CNTN2: variants seen among roughly 807,000 people sequenced by gnomAD.
CNTN2 encodes contactin 2, also known as contactin-2.
A neutral mutation model predicts 117.5 loss-of-function variants in CNTN2; 53 were observed. The observed-to-expected ratio is 0.45, with a 90% CI of 0.36 to 0.57. The LOEUF is 0.57. Among genes scored for constraint, CNTN2 ranks in the 20% least tolerant of loss-of-function variants. The pLI is 0.00. For synonymous variants in CNTN2, 530 were observed against 561.7 expected (o/e 0.94, Z 0.80); for missense variants, 1,106 against 1,404.3 (o/e 0.79, Z 3.39).
Position 205,073,882 on chromosome 1 carries a change from C to G in CNTN2, c.*117C>G. The G allele has an allele frequency of 1.3e-6, 1 of 775,076 alleles. No homozygotes were observed. Among genetic ancestry groups the G allele is most frequent in the Non-Finnish European group, 2.2e-6 (1 of 460,926 alleles). The allele number at this position is 775,076 out of a possible 1,614,324, so 48.0% of individuals were successfully genotyped here. On this transcript the variant is annotated 3_prime_UTR_variant, in exon 23 of 23. Coordinates refer to ENST00000331830, the MANE Select transcript of CNTN2 (RefSeq NM_005076.5). The surrounding 1 kb of genome is among the most constrained non-coding windows in gnomAD (Gnocchi z 6.3). The stretch of plus-strand genomic sequence containing the variant: ...GCCAGAGAGTGGCTGGTTTTAAATA[C>G]CTACTTTAAACAGTGCCCTTTTTGT...
At position 205,059,832 on chromosome 1, in the gene CNTN2, C is replaced by A; in HGVS notation, c.797+150C>A. 1 of 642,250 alleles carries A rather than the reference C, an allele frequency of 1.6e-6. No individual in the cohort carries two copies. The highest frequency in any genetic ancestry group is 1.8e-5 in the South Asian group (1 of 54,908). The allele number at this position is 642,250 out of a possible 1,614,324, so 39.8% of individuals were successfully genotyped here. A position where few individuals can be genotyped will look rare whatever the true frequency, so the allele number is the denominator to read the frequency against. The stretch of plus-strand genomic sequence containing the variant: ...GGCACACAGTGGGTATCGACCACCA[C>A]TCACTGGACAGTACCTCTCTGGGTG... On this transcript the variant is annotated intron_variant, in intron 7 of 22. Transcript: ENST00000331830. This position sits in a 1 kb window ranked among gnomAD's most constrained non-coding sequence, Gnocchi z 5.6.
intron 19 of CNTN2, among the ~76,000 whole-genome samples, chr1:205,071,374 C>T (rs948972723): frequency 6.6e-6 from 1 of 152,202 alleles, no homozygotes; most frequent in African/African-American, 2.4e-5. Flanking sequence ...AACCATCAAG[C>T]TGGGCCTACT....
chr1:205,056,699 A>T (rs1653644576), intron 2 of CNTN2, among the ~76,000 whole-genome samples: 1 of 152,198 alleles, frequency 6.6e-6, no homozygotes, highest in South Asian at 2.1e-4. Flanking sequence ...AATTAGGGAT[A>T]GCCTGGCTCC....
Position 205,073,197 on chromosome 1 carries a change from G to A in CNTN2, c.2974G>A (p.Asp992Asn). Residue 992 changes from aspartate to asparagine, a missense_variant, in exon 22 of 23, where the codon GAT becomes AAT. Asp to Asn is a conservative substitution (Grantham distance 23). Coordinates refer to ENST00000331830, the MANE Select transcript of CNTN2 (RefSeq NM_005076.5). This position sits in a 1 kb window ranked among gnomAD's most constrained non-coding sequence, Gnocchi z 6.3. ...VQIRTTGPGGDGIPAEVHIVR... is the reference protein window; with the variant it reads ...VQIRTTGPGGNGIPAEVHIVR... ...AATTCGGACCACAGGGCCCGGAGGG[G>A]ATGGGATCCCTGCAGAAGTCCACAT... 1.9e-6 allele frequency: 3 copies of A among 1,614,106 alleles called. No homozygotes were observed. Among genetic ancestry groups the A allele is most frequent in the Non-Finnish European group, 2.5e-6 (3 of 1,180,022 alleles).
intron 10 of CNTN2, chr1:205,063,509 G>T (rs1040300826): frequency 6.6e-6 from 1 of 152,010 alleles, no homozygotes; most frequent in Non-Finnish European, 1.5e-5. Flanking sequence ...CACACGTGTA[G>T]TCCCAGCTAC....
rs890794171 is a variant in CNTN2 at position 205,074,507 on chromosome 1, G to A, written c.*742G>A. The A allele has an allele frequency of 3.8e-5, 15 of 398,238 alleles. No homozygotes were observed. The highest frequency in any genetic ancestry group is 1.1e-4 in the East Asian group (3 of 28,066). The allele number at this position is 398,238 out of a possible 1,614,324, so 24.7% of individuals were successfully genotyped here. Reference sequence around the variant, plus strand: ...CTGAGATAGTCACAACCCAGGTGACGATGCCCTCTCAGCCAACACTGCCAA... The same window carrying A: ...CTGAGATAGTCACAACCCAGGTGACAATGCCCTCTCAGCCAACACTGCCAA... On this transcript the variant is annotated 3_prime_UTR_variant, in exon 23 of 23. Transcript: ENST00000331830.
rs1330483843 is a variant in CNTN2 at position 205,059,055 on chromosome 1, CT to C, written c.488-28del. 1 of 1,610,086 alleles carries C rather than the reference CT, an allele frequency of 6.2e-7. No individual in the cohort carries two copies. On this transcript the variant is annotated intron_variant, in intron 5 of 22. Transcript: ENST00000331830. The surrounding 1 kb of genome is among the most constrained non-coding windows in gnomAD (Gnocchi z 5.6). Reference sequence around the variant, plus strand: ...AGTGGCCCTGTTAGCCCAGCACCCCCTGGTTTCCTCAAACTCCTCACATCCT... The same window carrying C: ...AGTGGCCCTGTTAGCCCAGCACCCCCGGTTTCCTCAAACTCCTCACATCCT...
rs777618782 is a variant in CNTN2 at position 205,069,494 on chromosome 1, C to T, written c.2129C>T (p.Pro710Leu). Reference protein sequence around the residue: ...SSKIRTREAAPSVAPSGLSGG... With the variant: ...SSKIRTREAALSVAPSGLSGG... ...GGTGTCCCTTGGCCCTTGACAGCCC[C>T]CTCGGTGGCACCCTCAGGACTCAGC... is the stretch of plus-strand genomic sequence containing the variant. The change falls in exon 17 of 23, where the codon CCC (proline) becomes CTC (leucine). Residue 710 changes from proline (P) to leucine (L), a missense_variant. Coordinates refer to ENST00000331830, the MANE Select transcript of CNTN2 (RefSeq NM_005076.5). 6.2e-7 allele frequency: 1 copy of T among 1,614,118 alleles called. No homozygotes were observed. The highest frequency in any genetic ancestry group is 8.5e-7 in the Non-Finnish European group (1 of 1,180,010).
At chr1:205,066,315 T>G in intron 14 of CNTN2, 126 bp from the exon 15 acceptor site, 1 of 1,145,900 alleles carries the variant, frequency 8.7e-7, no homozygotes, top group Non-Finnish European at 1.2e-6. Flanking sequence ...CGCCTGGGTG[T>G]GTGTTCACTG....
chr1:205,070,382 AG>A, intron 18 of CNTN2, 43 bp from the exon 19 acceptor site: 6 of 1,404,592 alleles, frequency 4.3e-6, no homozygotes, highest in South Asian at 1.2e-5. Flanking sequence ...TGCAGGACAC[AG>A]GGGGGCCCTG....
intron 1 of CNTN2, among the ~76,000 whole-genome samples, chr1:205,049,595 G>A (rs1370367631): frequency 1.3e-5 from 2 of 152,140 alleles, no homozygotes; most frequent in Non-Finnish European, 1.5e-5. Flanking sequence ...CTGGTTGTCT[G>A]TCTCTGCCTT....
chr1:205,061,912 G>A lies in CNTN2; in HGVS notation c.1021G>A (p.Gly341Ser). Residue 341 changes from glycine (G) to serine (S), a missense_variant, in exon 9 of 23, where the codon GGC becomes AGC. Coordinates refer to ENST00000331830, the MANE Select transcript of CNTN2 (RefSeq NM_005076.5). This position sits in a 1 kb window ranked among gnomAD's most constrained non-coding sequence, Gnocchi z 4.8. ...GATCTCGGACACAGAGGCTGACATTGGCTCCAACCTGCGTTGGGGCTGTGC... is the reference window on the plus strand; with the variant it reads ...GATCTCGGACACAGAGGCTGACATTAGCTCCAACCTGCGTTGGGGCTGTGC... ...KVISDTEADIGSNLRWGCAAA... is the reference protein window; with the variant it reads ...KVISDTEADISSNLRWGCAAA... 1 of 1,594,094 alleles carries A rather than the reference G, an allele frequency of 6.3e-7. No individual in the cohort carries two copies. Among genetic ancestry groups the A allele is most frequent in the Non-Finnish European group, 8.6e-7 (1 of 1,169,374 alleles).
At position 205,056,111 on chromosome 1, in the gene CNTN2, T is replaced by C. The variant is rs568358414; in HGVS notation, c.71-1810T>C. Among the ~76,000 whole-genome samples the C allele has an allele frequency of 1.1e-4, 17 of 152,228 alleles. No individual in the cohort carries two copies. In the South Asian group the frequency reaches 3.1e-3, roughly 28 times the overall value. On this transcript the variant is annotated intron_variant, in intron 2 of 22. Coordinates refer to ENST00000331830, the MANE Select transcript of CNTN2 (RefSeq NM_005076.5). The stretch of plus-strand genomic sequence containing the variant: ...ATGCGAAGGGGTGTGTATGTGAATA[T>C]TTGGGTGAGTGGACAGCTGAGAGCA...
In CNTN2 at chr1:205,058,358, T is replaced by G; in HGVS notation, c.391+2T>G. On this transcript the variant is annotated splice_donor_variant, in intron 4 of 22. Coordinates refer to ENST00000331830, the MANE Select transcript of CNTN2 (RefSeq NM_005076.5). LOFTEE classifies it high-confidence loss of function. The surrounding 1 kb of genome is among the most constrained non-coding windows in gnomAD (Gnocchi z 4.3). ...GGGAGGCCATCCTCCGCTTCGGCTGTGAGACCCGCGGGGGACCAAGACACT... is the reference window on the plus strand; with the variant it reads ...GGGAGGCCATCCTCCGCTTCGGCTGGGAGACCCGCGGGGGACCAAGACACT... The G allele has an allele frequency of 6.6e-7, 1 of 1,523,152 alleles. No individual in the cohort carries two copies. Among genetic ancestry groups the G allele is most frequent in the South Asian group, 1.3e-5 (1 of 77,334 alleles). 94.4% of individuals were successfully genotyped at this position (1,523,152 alleles called of 1,614,324 possible). A position where few individuals can be genotyped will look rare whatever the true frequency, so the allele number is the denominator to read the frequency against.
chr1:205,064,861 C>T, intron 12 of CNTN2, 111 bp downstream of exon 12: 1 of 1,489,726 alleles, frequency 6.7e-7, no homozygotes, highest in South Asian at 1.3e-5. Context: ...CAAGGCCACC[C>T]CAGGATTCAG....
rs1398781322 is a variant in CNTN2, at chr1:205,066,573, C to T, written c.1949C>T (p.Ala650Val). ...KYTLQARTPP[A>V]GKWKQVRTNP... Reference sequence around the variant, plus strand: ...ACCCTGCAAGCTCGCACTCCACCTGCAGGGAAGTGGAAGCAGGTTCGGACC... The same window carrying T: ...ACCCTGCAAGCTCGCACTCCACCTGTAGGGAAGTGGAAGCAGGTTCGGACC... Residue 650 changes from alanine to valine, a missense_variant, in exon 15 of 23, where the codon GCA becomes GTA. Ala to Val is a moderately conservative substitution (Grantham distance 64). Coordinates refer to ENST00000331830, the MANE Select transcript of CNTN2 (RefSeq NM_005076.5). 6.2e-7 allele frequency: 1 copy of T among 1,614,038 alleles called. No individual in the cohort carries two copies. Among genetic ancestry groups the T allele is most frequent in the Non-Finnish European group, 8.5e-7 (1 of 1,180,008 alleles).
intron 1 of CNTN2, among the ~76,000 whole-genome samples, chr1:205,044,462 G>GC (rs1231806513): frequency 2.0e-5 from 3 of 151,824 alleles, no homozygotes; most frequent in Admixed American, 6.6e-5. Context: ...GTGTCCTGGG[G>GC]GGGGGGGTCC....
chr1:205,061,461 C>T lies in CNTN2; in HGVS notation c.973+41C>T, dbSNP rs753267165. On this transcript the variant is annotated intron_variant, in intron 8 of 22. Coordinates refer to ENST00000331830, the MANE Select transcript of CNTN2 (RefSeq NM_005076.5). This position sits in a 1 kb window ranked among gnomAD's most constrained non-coding sequence, Gnocchi z 4.8. ...CACCTTCTCCGCCCCTCCCGACCCCCCTTCCCGCCTTCACCCTTGTCCCCA... is the reference window on the plus strand; with the variant it reads ...CACCTTCTCCGCCCCTCCCGACCCCTCTTCCCGCCTTCACCCTTGTCCCCA... 6.6e-7 allele frequency: 1 copy of T among 1,518,080 alleles called. No homozygotes were observed. The highest frequency in any genetic ancestry group is 1.4e-5 in the African/African-American group (1 of 73,046). The allele number at this position is 1,518,080 out of a possible 1,614,324, so 94.0% of individuals were successfully genotyped here.
Position 205,061,467 on chromosome 1 carries a change from C to T in CNTN2, c.973+47C>T, listed in dbSNP as rs371835117. 1.3e-5 allele frequency: 19 copies of T among 1,510,454 alleles called. No individual in the cohort carries two copies. The highest frequency in any genetic ancestry group is 1.4e-5 in the Non-Finnish European group (16 of 1,124,414). The allele number at this position is 1,510,454 out of a possible 1,614,324, so 93.6% of individuals were successfully genotyped here. ...CTCCGCCCCTCCCGACCCCCCTTCC[C>T]GCCTTCACCCTTGTCCCCAAGGAAA... On this transcript the variant is annotated intron_variant, in intron 8 of 22. Coordinates refer to ENST00000331830, the MANE Select transcript of CNTN2 (RefSeq NM_005076.5). The surrounding 1 kb of genome is among the most constrained non-coding windows in gnomAD (Gnocchi z 4.8).
Sources: allele counts gnomAD v4.1 joint callset (sites outside exome capture counted in the v4.1 genomes callset), GRCh38; gene constraint gnomAD v4.1.1; non-coding constraint Gnocchi (gnomAD v3.1); transcripts MANE v1.5; gene names NCBI Gene and HGNC (gene_info 2026-07-23, HGNC 2026-07-21).